Variants in FREM2 observed in about 807,000 individuals in gnomAD.
FREM2 encodes the protein FRAS1-related extracellular matrix protein 2.
In FREM2, 119 loss-of-function variants were observed where a neutral mutation model predicts 219.9. The ratio of observed to expected loss-of-function variants is 0.54; its 90% CI spans 0.47 to 0.63. FREM2 has a LOEUF of 0.63. FREM2 is among the 30% of genes least tolerant of loss of function. FREM2 has a pLI of 0.00. For missense variants in FREM2, 4,030 were observed against 3,993.6 expected, an observed-to-expected ratio of 1.01 and a Z score of -0.25; for synonymous variants, 1,562 against 1,522.8, an observed-to-expected ratio of 1.03 and a Z score of -0.60.
intron 2 of FREM2, among the ~76,000 whole-genome samples, chr13:38,705,522 G>A (rs1020128012): frequency 6.6e-6 from 1 of 152,210 alleles, no homozygotes; most frequent in African/African-American, 2.4e-5. Context: ...AGGAGTGAGA[G>A]CTGGAACAAA....
At position 38,690,443 on chromosome 13, in the gene FREM2, C is replaced by T. The variant is rs745405210; in HGVS notation, c.3099C>T (p.Asn1033=). The T allele has an allele frequency of 1.5e-5, 24 of 1,614,098 alleles. No individual in the cohort carries two copies. The highest frequency in any genetic ancestry group is 1.9e-5 in the Non-Finnish European group (22 of 1,180,044). Reference sequence around the variant, plus strand: ...TATTGCCTAAAGCGGATTCTTTTAACCTGAGTCTGTCAGATATGTCTCAAG... The same window carrying T: ...TATTGCCTAAAGCGGATTCTTTTAATCTGAGTCTGTCAGATATGTCTCAAG... The part of the protein sequence containing the change: ...IGLLPKADSF[N]LSLSDMSQEW... Residue 1033 remains asparagine (N), a synonymous_variant, in exon 1 of 24, where the codon AAC becomes AAT. Transcript: ENST00000280481.
chr13:38,755,634 C>A (rs1227721171), intron 2 of FREM2, among the ~76,000 whole-genome samples: 1 of 152,146 alleles, frequency 6.6e-6, no homozygotes, highest in Admixed American at 6.5e-5. Context: ...GCCTGACATC[C>A]ATTTTCATTA....
intron 2 of FREM2, among the ~76,000 whole-genome samples, chr13:38,710,602 G>A (rs939697023): frequency 6.6e-6 from 1 of 152,224 alleles, no homozygotes; most frequent in East Asian, 1.9e-4. Context: ...TCTCAACTGC[G>A]AGAGCTGTTT....
intron 2 of FREM2, among the ~76,000 whole-genome samples, chr13:38,743,847 G>A (rs1472225974): frequency 1.3e-5 from 2 of 152,094 alleles, no homozygotes; most frequent in Non-Finnish European, 2.9e-5. Flanking sequence ...ATAGTGCCAA[G>A]CCTATAATAT....
At chr13:38,877,752 A>G (rs1384908899) in intron 21 of FREM2, among the ~76,000 whole-genome samples, 1 of 152,172 alleles carries the variant, frequency 6.6e-6, no homozygotes, top group Non-Finnish European at 1.5e-5. Flanking sequence ...CTTTGTATTG[A>G]TACTTTCTTT....
chr13:38,824,332 A>G (rs1023585528), intron 6 of FREM2, among the ~76,000 whole-genome samples: 2 of 152,100 alleles, frequency 1.3e-5, no homozygotes, highest in African/African-American at 4.8e-5. Flanking sequence ...TATAAGGTAT[A>G]TGTTCTTGGG....
intron 6 of FREM2, among the ~76,000 whole-genome samples, chr13:38,794,468 G>A (rs1287076642): frequency 5.3e-5 from 8 of 152,128 alleles, no homozygotes; most frequent in African/African-American, 1.2e-4. Context: ...TCTTTACCAC[G>A]TGCAAATATT....
At chr13:38,716,593 A>G (rs1226225737) in intron 2 of FREM2, among the ~76,000 whole-genome samples, 1 of 151,688 alleles carries the variant, frequency 6.6e-6, no homozygotes, top group Admixed American at 6.6e-5. Context: ...GCTCACTGAG[A>G]TCATACAAGT....
chr13:38,864,196 A>T, intron 15 of FREM2, 79 bp from the exon 16 acceptor site: 1 of 1,076,320 alleles, frequency 9.3e-7, no homozygotes, highest in Non-Finnish European at 1.4e-6. Flanking sequence ...TTGTTTTCTT[A>T]AGAGATAAAG....
chr13:38,687,214 C>G lies in FREM2; in HGVS notation c.-131C>G. 7 of 1,322,204 alleles carry G rather than the reference C, an allele frequency of 5.3e-6. No individual in the cohort carries two copies. Among genetic ancestry groups the G allele is most frequent in the Non-Finnish European group, 7.4e-6 (7 of 949,014 alleles). The allele number at this position is 1,322,204 out of a possible 1,614,324, so 81.9% of individuals were successfully genotyped here. ...ACTTTGCCATCCTTCTGGCCCAGCC[C>G]CGGCTACAGGAGGACCCCGCGGGCA... On this transcript the variant is annotated 5_prime_UTR_variant, in exon 1 of 24. Transcript: ENST00000280481.
In FREM2 at chr13:38,850,250, G is replaced by T; in HGVS notation, c.6577+15G>T. Reference sequence around the variant, plus strand: ...ATTCCTCCCTGGTAAGCTTGAACTTGAAATTTTTTCGTGAAATTTGAAGAA... The same window carrying T: ...ATTCCTCCCTGGTAAGCTTGAACTTTAAATTTTTTCGTGAAATTTGAAGAA... On this transcript the variant is annotated intron_variant, in intron 9 of 23. Coordinates refer to ENST00000280481, the MANE Select transcript of FREM2 (RefSeq NM_207361.6). 6.2e-7 allele frequency: 1 copy of T among 1,612,710 alleles called. No individual in the cohort carries two copies. The highest frequency in any genetic ancestry group is 1.1e-5 in the South Asian group (1 of 91,012).
intron 2 of FREM2, among the ~76,000 whole-genome samples, chr13:38,711,913 CTTTTTTTTTTTTTT>C (rs1224297915): frequency 9.3e-6 from 1 of 107,602 alleles, no homozygotes; most frequent in African/African-American, 4.4e-5. Flanking sequence ...CTGATAATTT[CTTTTTTTTTTTTTT>C]TTTTTTTTTT....
chr13:38,773,505 C>T (rs930010461), intron 4 of FREM2, among the ~76,000 whole-genome samples: 2 of 152,200 alleles, frequency 1.3e-5, no homozygotes, highest in Non-Finnish European at 2.9e-5. Context: ...AAGCTCCCAC[C>T]TCAGCTTTCC....
In FREM2 at chr13:38,687,109, G is replaced by A. The variant is rs1056113578; in HGVS notation, c.-236G>A. ...GAGGGATTCAATTCTCCGCGCGATTGAGGCGCTAGCGGCGGAGCTGGACGG... is the reference window on the plus strand; with the variant it reads ...GAGGGATTCAATTCTCCGCGCGATTAAGGCGCTAGCGGCGGAGCTGGACGG... On this transcript the variant is annotated 5_prime_UTR_variant, in exon 1 of 24. Coordinates refer to ENST00000280481, the MANE Select transcript of FREM2 (RefSeq NM_207361.6). 1 of 593,456 alleles carries A rather than the reference G, an allele frequency of 1.7e-6. No individual in the cohort carries two copies. The highest frequency in any genetic ancestry group is 1.9e-5 in the African/African-American group (1 of 53,600). The allele number at this position is 593,456 out of a possible 1,614,324, so 36.8% of individuals were successfully genotyped here.
chr13:38,846,421 A>G (rs963883272), intron 6 of FREM2, 152 bp from the exon 7 acceptor site: 1 of 710,276 alleles, frequency 1.4e-6, no homozygotes, highest in African/African-American at 1.8e-5. Flanking sequence ...AAAAGTTTAG[A>G]TTAAAGAGAT....
intron 2 of FREM2, among the ~76,000 whole-genome samples, chr13:38,756,048 C>T (rs1201229769): frequency 1.3e-5 from 2 of 152,164 alleles, no homozygotes; most frequent in Non-Finnish European, 2.9e-5. Context: ...GGGTTCCTTT[C>T]AATTCACACT....
intron 2 of FREM2, among the ~76,000 whole-genome samples, chr13:38,739,088 C>G (rs1872125129): frequency 6.6e-6 from 1 of 152,126 alleles, no homozygotes; most frequent in Non-Finnish European, 1.5e-5. Context: ...GTCCAGTCCA[C>G]AGTAAGTACA....
In FREM2 at chr13:38,883,035, T is replaced by A. The variant is rs1463710207; in HGVS notation, c.*2248T>A. 1 of 152,154 alleles carries A rather than the reference T, an allele frequency of 6.6e-6. No individual in the cohort carries two copies. The highest frequency in any genetic ancestry group is 1.5e-5 in the Non-Finnish European group (1 of 68,006). 9.4% of individuals were successfully genotyped at this position (152,154 alleles called of 1,614,324 possible). A position where few individuals can be genotyped will look rare whatever the true frequency, so the allele number is the denominator to read the frequency against. On this transcript the variant is annotated 3_prime_UTR_variant, in exon 24 of 24. Coordinates refer to ENST00000280481, the MANE Select transcript of FREM2 (RefSeq NM_207361.6). ...TCTAATGAAGCTACTTTATATAAAT[T>A]GGAGAGCTTATAAAATGCAGAACAT...
intron 6 of FREM2, among the ~76,000 whole-genome samples, chr13:38,785,565 G>A (rs1402569653): frequency 6.6e-6 from 1 of 152,164 alleles, no homozygotes; most frequent in African/African-American, 2.4e-5. Flanking sequence ...AGAAACTGGG[G>A]GATAAATCTT....
Sources: gnomAD v4.1 joint callset for allele counts (sites outside exome capture counted in the v4.1 genomes callset) on GRCh38, gnomAD v4.1.1 for gene constraint, MANE v1.5 for transcripts, NCBI Gene and HGNC (gene_info 2026-07-23, HGNC 2026-07-21) for gene names.